ZNF407: variants seen among roughly 807,000 people sequenced by gnomAD.
ZNF407 encodes the protein zinc finger protein 407.
A neutral mutation model predicts 131.2 loss-of-function variants in ZNF407; 17 were observed. That is an observed-to-expected ratio of 0.13 (90% CI 0.09 to 0.19). The LOEUF is 0.19. Ranked by LOEUF, ZNF407 falls within the 10% of genes least tolerant of loss-of-function variation. The probability of loss-of-function intolerance (pLI) is 1.00; values close to 1 mark genes in which losing one functional copy is unlikely to be tolerated. For synonymous variants in ZNF407, 1,156 were observed against 1,062.0 expected (o/e 1.09, Z -1.72); for missense variants, 2,681 against 2,830.6 (o/e 0.95, Z 1.20).
intron 8 of ZNF407, among the ~76,000 whole-genome samples, chr18:75,057,091 A>G (rs977272370): frequency 6.6e-6 from 1 of 151,726 alleles, no homozygotes; most frequent in African/African-American, 2.4e-5. Context: ...TGCTTTCATT[A>G]CGACAAGGAA....
chr18:75,064,883 T>C lies in ZNF407; in HGVS notation c.*415T>C, dbSNP rs1973694507. On this transcript the variant is annotated 3_prime_UTR_variant, in exon 9 of 9. Transcript: ENST00000299687. ...GGGAAAGTGGTGAAGATACCCCTCC[T>C]GGCTTGGGGTGCACCTGCTTGTGCA... 1 of 160,514 alleles carries C rather than the reference T, an allele frequency of 6.2e-6. No homozygotes were observed. 9.9% of individuals were successfully genotyped at this position (160,514 alleles called of 1,614,324 possible).
At chr18:74,828,622 C>G (rs1970441258) in intron 4 of ZNF407, among the ~76,000 whole-genome samples, 1 of 152,172 alleles carries the variant, frequency 6.6e-6, no homozygotes, top group Admixed American at 6.5e-5. Context: ...CCTGTTCTTT[C>G]CACCACTGTA....
At chr18:74,681,233 AT>A (rs911770529) in intron 3 of ZNF407, among the ~76,000 whole-genome samples, 61 of 147,354 alleles carry the variant, frequency 4.1e-4, no homozygotes, top group African/African-American at 3.5e-4. Flanking sequence ...TTCTTGACTG[AT>A]TTTTTTTTTT....
intron 1 of ZNF407, among the ~76,000 whole-genome samples, chr18:74,627,997 C>A (rs1983878470): frequency 2.0e-5 from 3 of 152,090 alleles, no homozygotes. Flanking sequence ...ACCTCAGACT[C>A]CTGTGTAGCT....
rs1183755965 is a variant in ZNF407 at position 74,630,167 on chromosome 18, CTT to C, written c.-53-780_-53-779del. Among the ~76,000 whole-genome samples the C allele has an allele frequency of 1.1e-3, 137 of 120,254 alleles. No homozygotes were observed. In the East Asian group the frequency reaches 0.02, roughly 18 times the overall value. The allele number at this position is 120,254 out of a possible 152,430, so 78.9% of individuals were successfully genotyped here. ...GGAGAAAAGGATGAAACAGTGGTGT[CTT>C]TTTTTTTTTTTTTTTTTTTGAGACG... is the stretch of plus-strand genomic sequence containing the variant. On this transcript the variant is annotated intron_variant, in intron 1 of 8. Transcript: ENST00000299687.
At chr18:74,937,688 T>C (rs771999040) in intron 8 of ZNF407, among the ~76,000 whole-genome samples, 1 of 152,354 alleles carries the variant, frequency 6.6e-6, no homozygotes, top group African/African-American at 2.4e-5. Context: ...GAAAACTCAC[T>C]TTAAACCAAG....
At chr18:74,840,398 T>C (rs988538642) in intron 4 of ZNF407, among the ~76,000 whole-genome samples, 2 of 152,108 alleles carry the variant, frequency 1.3e-5, no homozygotes, top group Non-Finnish European at 2.9e-5. Context: ...CCAGGTCATA[T>C]TTCCATCTGC....
At chr18:74,654,504 A>G (rs1382335043) in intron 3 of ZNF407, among the ~76,000 whole-genome samples, 2 of 151,872 alleles carry the variant, frequency 1.3e-5, no homozygotes, top group Non-Finnish European at 3.0e-5. Context: ...CTCACTTGCC[A>G]GCTAATTTAA....
intron 3 of ZNF407, among the ~76,000 whole-genome samples, chr18:74,682,370 G>C (rs1339640833): frequency 6.6e-6 from 1 of 152,196 alleles, no homozygotes; most frequent in Non-Finnish European, 1.5e-5. Context: ...GGGGCAGCAG[G>C]ATTGTCCTCC....
intron 8 of ZNF407, among the ~76,000 whole-genome samples, chr18:75,030,284 A>G (rs1003515650): frequency 6.6e-6 from 1 of 152,208 alleles, no homozygotes; most frequent in Admixed American, 6.5e-5. Flanking sequence ...TTTCACTTCT[A>G]TCAGTTGAAA....
At chr18:74,901,970 A>G (rs1287190956) in intron 7 of ZNF407, among the ~76,000 whole-genome samples, 2 of 151,800 alleles carry the variant, frequency 1.3e-5, no homozygotes, top group Non-Finnish European at 2.9e-5. Context: ...CTGTAAAAGC[A>G]CAATCAAAGC....
chr18:74,897,712 T>C (rs1035245681), intron 7 of ZNF407, among the ~76,000 whole-genome samples: 9 of 152,204 alleles, frequency 5.9e-5, no homozygotes, highest in Non-Finnish European at 1.2e-4. Flanking sequence ...CAAAACACTT[T>C]ACTATGTAAC....
chr18:74,946,878 T>C (rs1972159131), intron 8 of ZNF407, among the ~76,000 whole-genome samples: 1 of 152,226 alleles, frequency 6.6e-6, no homozygotes, highest in African/African-American at 2.4e-5. Flanking sequence ...TTCAGTACAT[T>C]TTACTGAATT....
At chr18:74,911,418 G>T (rs1971668535) in intron 7 of ZNF407, among the ~76,000 whole-genome samples, 1 of 152,182 alleles carries the variant, frequency 6.6e-6, no homozygotes, top group Non-Finnish European at 1.5e-5. Flanking sequence ...TCCTTTAGCA[G>T]CAATTGATAT....
intron 4 of ZNF407, among the ~76,000 whole-genome samples, chr18:74,871,060 C>T (rs966280567): frequency 1.3e-5 from 2 of 152,122 alleles, no homozygotes; most frequent in Non-Finnish European, 2.9e-5. Context: ...GTTGCTGTGG[C>T]AGGATTTTGT....
At chr18:75,062,812 A>T in intron 8 of ZNF407, 1 of 204,364 alleles carries the variant, frequency 4.9e-6, no homozygotes, top group Admixed American at 6.0e-5. Context: ...ATTGTTACAA[A>T]AGACATGATG....
At chr18:74,767,220 G>A (rs545012001) in intron 3 of ZNF407, among the ~76,000 whole-genome samples, 3 of 152,096 alleles carry the variant, frequency 2.0e-5, no homozygotes, top group Admixed American at 6.5e-5. Flanking sequence ...TCCTGACTTC[G>A]TTATTATTAA....
intron 6 of ZNF407, among the ~76,000 whole-genome samples, chr18:74,883,547 T>A (rs1971267256): frequency 6.6e-6 from 1 of 152,174 alleles, no homozygotes; most frequent in Admixed American, 6.5e-5. Context: ...ACAAAACATC[T>A]TCCATTCTAA....
At chr18:74,872,981 A>AGC (rs1255388293) in intron 4 of ZNF407, among the ~76,000 whole-genome samples, 2 of 151,896 alleles carry the variant, frequency 1.3e-5, no homozygotes, top group African/African-American at 4.9e-5. Flanking sequence ...ATGAATAAAA[A>AGC]GCCACCTTTT....
Sources: gnomAD v4.1 joint callset for allele counts (sites outside exome capture counted in the v4.1 genomes callset) on GRCh38, gnomAD v4.1.1 for gene constraint, MANE v1.5 for transcripts, NCBI Gene and HGNC (gene_info 2026-07-23, HGNC 2026-07-21) for gene names.